Variants in MRPL12 observed in about 807,000 individuals in gnomAD.
The protein encoded by MRPL12 is mitochondrial ribosomal protein L12.
MRPL12 carries 13 observed loss-of-function variants against 21.1 expected under a neutral mutation model. The observed-to-expected ratio is 0.62, with a 90% CI of 0.40 to 0.98. The LOEUF (loss-of-function observed/expected upper bound fraction) is 0.98, where lower values mean the gene tolerates loss of function less well. MRPL12 is among the 50% of genes least tolerant of loss of function. The pLI is 0.00. For synonymous variants in MRPL12, 126 were observed against 115.3 expected (o/e 1.09, Z -0.60); for missense variants, 251 against 268.6 (o/e 0.93, Z 0.46).
At position 81,707,021 on chromosome 17, in the gene MRPL12, AAGG is replaced by A. The variant is rs1209100588; in HGVS notation, c.462_464del (p.Gln154_Gly155delinsHis). 6.2e-7 allele frequency: 1 copy of A among 1,613,996 alleles called. No individual in the cohort carries two copies. The highest frequency in any genetic ancestry group is 8.5e-7 in the Non-Finnish European group (1 of 1,180,036). On this transcript the variant is annotated inframe_deletion, in exon 4 of 5. Coordinates refer to ENST00000333676, the MANE Select transcript of MRPL12 (RefSeq NM_002949.4). ...ATCAAGGAAATCAAGAACTACATCC[AAGG>A]CATCAACCTCGTCCAGGTCTGTGCC...
Position 81,704,807 on chromosome 17 carries a change from A to G in MRPL12, c.345+91A>G. 6.2e-6 allele frequency: 7 copies of G among 1,128,570 alleles called. No individual in the cohort carries two copies. The South Asian group carries it at 1.0e-4, about 16-fold the overall frequency. 69.9% of individuals were successfully genotyped at this position (1,128,570 alleles called of 1,614,324 possible). Reference sequence around the variant, plus strand: ...GTCCCGTATCTCAGGTTCTGCAGCTACCGTCATTGTCTGCAGCCTGCACAC... The same window carrying G: ...GTCCCGTATCTCAGGTTCTGCAGCTGCCGTCATTGTCTGCAGCCTGCACAC... On this transcript the variant is annotated intron_variant, in intron 3 of 4. Coordinates refer to ENST00000333676, the MANE Select transcript of MRPL12 (RefSeq NM_002949.4).
chr17:81,704,760 G>A lies in MRPL12; in HGVS notation c.345+44G>A, dbSNP rs191480829. ...GAGGCATTTCTGGGGTGCCCAGTTCGCCTGTGGCCTCATGTGCCGTGGTCC... is the reference window on the plus strand; with the variant it reads ...GAGGCATTTCTGGGGTGCCCAGTTCACCTGTGGCCTCATGTGCCGTGGTCC... On this transcript the variant is annotated intron_variant, in intron 3 of 4. Transcript: ENST00000333676. The A allele has an allele frequency of 7.8e-5, 118 of 1,519,592 alleles. No homozygotes were observed. The Admixed American group carries it at 1.8e-3, about 23-fold the overall frequency. The allele number at this position is 1,519,592 out of a possible 1,614,324, so 94.1% of individuals were successfully genotyped here.
chr17:81,705,596 G>A (rs567870773), intron 3 of MRPL12, among the ~76,000 whole-genome samples: 1 of 152,298 alleles, frequency 6.6e-6, no homozygotes, highest in East Asian at 1.9e-4. Flanking sequence ...AAGGTCACCA[G>A]GCAAGAGGGT....
At chr17:81,703,649 G>A (rs1411460880) in intron 1 of MRPL12, 74 bp downstream of exon 1, 9 of 1,239,354 alleles carry the variant, frequency 7.3e-6, no homozygotes, top group African/African-American at 4.8e-5. Context: ...GGTCGATCCG[G>A]GCGAGGAGGG....
intron 3 of MRPL12, 135 bp from the exon 4 acceptor site, chr17:81,706,771 C>A (rs554769717): frequency 2.0e-4 from 206 of 1,025,132 alleles, no homozygotes; most frequent in Non-Finnish European, 2.7e-4. Flanking sequence ...GGAGACGTGA[C>A]TTCCAACTCC....
intron 3 of MRPL12, among the ~76,000 whole-genome samples, 175 bp downstream of exon 3, chr17:81,704,891 T>C (rs1270273136): frequency 6.6e-6 from 1 of 152,236 alleles, no homozygotes; most frequent in East Asian, 1.9e-4. Flanking sequence ...TGCACGACTT[T>C]GCATGTGGAG....
intron 3 of MRPL12, among the ~76,000 whole-genome samples, chr17:81,706,150 G>A (rs964689566): frequency 1.3e-4 from 20 of 152,202 alleles, no homozygotes; most frequent in African/African-American, 4.6e-4. Flanking sequence ...GAAAGGAATG[G>A]CGCTGCTTTT....
intron 1 of MRPL12, 72 bp from the exon 2 acceptor site, chr17:81,704,172 T>A: frequency 1.3e-6 from 2 of 1,484,610 alleles, no homozygotes; most frequent in Non-Finnish European, 1.8e-6. Context: ...CCAGTTGTCC[T>A]GCCCCTCTGG....
At chr17:81,706,396 A>G (rs2037314854) in intron 3 of MRPL12, among the ~76,000 whole-genome samples, 2 of 152,064 alleles carry the variant, frequency 1.3e-5, no homozygotes, top group African/African-American at 4.8e-5. Context: ...ACAGGCGCGC[A>G]CCACTAGAGA....
chr17:81,704,833 C>A, intron 3 of MRPL12, 117 bp downstream of exon 3: 1 of 884,714 alleles, frequency 1.1e-6, no homozygotes, highest in Non-Finnish European at 1.8e-6. Context: ...GCCTGCACAC[C>A]TGTGCGGCAT....
Position 81,704,633 on chromosome 17 carries a change from A to T in MRPL12, c.262A>T (p.Lys88Ter). ...EISDLNELLK[K>*]TLKIQDVGLV... ...TGGACACTGTTCTCTATCTCTGCAGAAAACGTTGAAGATCCAGGATGTCGG... is the reference window on the plus strand; with the variant it reads ...TGGACACTGTTCTCTATCTCTGCAGTAAACGTTGAAGATCCAGGATGTCGG... The change falls in exon 3 of 5, where the codon AAA becomes TAA. Residue 88 changes from lysine (K) to a stop codon, truncating the protein, a stop_gained and splice_region_variant. Transcript: ENST00000333676. LOFTEE classifies it high-confidence loss of function. The T allele has an allele frequency of 6.2e-7, 1 of 1,613,924 alleles. No homozygotes were observed. The highest frequency in any genetic ancestry group is 8.5e-7 in the Non-Finnish European group (1 of 1,180,008).
In MRPL12 at chr17:81,704,419, G is replaced by C. The variant is rs762825319; in HGVS notation, c.250G>C (p.Glu84Gln). ...LTLLEISDLN[E>Q]LLKKTLKIQD... ...TCTCTTGGAAATCTCAGACCTCAAC[G>C]AGCTCCTGAAGGTATCGTGAGAGGG... The change falls in exon 2 of 5, where the codon GAG becomes CAG. Residue 84 changes from glutamate (E) to glutamine (Q), a missense_variant. Physicochemically the swap from Glu to Gln is conservative, Grantham distance 29. Coordinates refer to ENST00000333676, the MANE Select transcript of MRPL12 (RefSeq NM_002949.4). The C allele has an allele frequency of 6.2e-7, 1 of 1,612,092 alleles. No individual in the cohort carries two copies. Among genetic ancestry groups the C allele is most frequent in the African/African-American group, 1.3e-5 (1 of 74,886 alleles).
At chr17:81,705,526 AGAG>A (rs1224531622) in intron 3 of MRPL12, among the ~76,000 whole-genome samples, 1 of 152,208 alleles carries the variant, frequency 6.6e-6, no homozygotes, top group African/African-American at 2.4e-5. Context: ...TGGGCTTCAA[AGAG>A]GAGGCAGACA....
chr17:81,705,550 G>C (rs1348228400), intron 3 of MRPL12, among the ~76,000 whole-genome samples: 1 of 152,212 alleles, frequency 6.6e-6, no homozygotes, highest in Non-Finnish European at 1.5e-5. Flanking sequence ...TTGTAGAAGA[G>C]AGCACGGCCT....
intron 1 of MRPL12, 134 bp from the exon 2 acceptor site, chr17:81,704,110 A>G: frequency 2.5e-6 from 2 of 808,238 alleles, no homozygotes; most frequent in Non-Finnish European, 3.7e-6. Context: ...GGAGCTAGGT[A>G]ATTTCCGGCC....
rs891983942 is a variant in MRPL12 at position 81,703,414 on chromosome 17, C to G, written c.-88C>G. The G allele has an allele frequency of 1.7e-6, 2 of 1,175,164 alleles. No homozygotes were observed. Among genetic ancestry groups the G allele is most frequent in the Non-Finnish European group, 2.3e-6 (2 of 869,152 alleles). The allele number at this position is 1,175,164 out of a possible 1,614,324, so 72.8% of individuals were successfully genotyped here. A position where few individuals can be genotyped will look rare whatever the true frequency, so the allele number is the denominator to read the frequency against. The stretch of plus-strand genomic sequence containing the variant: ...GGCAGCCGTGGCGGCTAGAGCGTTC[C>G]TCCCCAGCTCGAATGCCCGGCGGCC... On this transcript the variant is annotated 5_prime_UTR_variant, in exon 1 of 5. Transcript: ENST00000333676.
In MRPL12 at chr17:81,707,121, C is replaced by T. The variant is rs771616281; in HGVS notation, c.481-3C>T. The T allele has an allele frequency of 5.0e-6, 8 of 1,613,954 alleles. No individual in the cohort carries two copies. The highest frequency in any genetic ancestry group is 6.8e-6 in the Non-Finnish European group (8 of 1,179,998). On this transcript the variant is annotated splice_region_variant and splice_polypyrimidine_tract_variant and intron_variant, in intron 4 of 4. Transcript: ENST00000333676. ...CAGTCCCTGACTTTGCTCTCTCTGG[C>T]AGGCAAAGAAGCTGGTGGAGTCCCT...
intron 3 of MRPL12, among the ~76,000 whole-genome samples, chr17:81,705,135 C>T (rs186601295): frequency 0.011 from 1,606 of 151,476 alleles, 30 homozygotes; most frequent in African/African-American, 0.037. Flanking sequence ...CCCAGCTACT[C>T]GGGAGGCTGA....
Position 81,707,374 on chromosome 17 carries a change from CG to C in MRPL12, c.*138del. 1 of 879,084 alleles carries C rather than the reference CG, an allele frequency of 1.1e-6. No homozygotes were observed. The highest frequency in any genetic ancestry group is 1.7e-6 in the Non-Finnish European group (1 of 581,914). 54.5% of individuals were successfully genotyped at this position (879,084 alleles called of 1,614,324 possible). A position where few individuals can be genotyped will look rare whatever the true frequency, so the allele number is the denominator to read the frequency against. ...TGGGAGAATTGCCTGCGCCACGCAGCGGGGCCGGACAGGCCGCACAGACCTA... is the reference window on the plus strand; with the variant it reads ...TGGGAGAATTGCCTGCGCCACGCAGCGGGCCGGACAGGCCGCACAGACCTA... On this transcript the variant is annotated 3_prime_UTR_variant, in exon 5 of 5. Coordinates refer to ENST00000333676, the MANE Select transcript of MRPL12 (RefSeq NM_002949.4).
Sources: allele counts gnomAD v4.1 joint callset (sites outside exome capture counted in the v4.1 genomes callset), GRCh38; gene constraint gnomAD v4.1.1; transcripts MANE v1.5; gene names NCBI Gene and HGNC (gene_info 2026-07-23, HGNC 2026-07-21).